RPS6KC1: variants seen among roughly 807,000 people sequenced by gnomAD.
RPS6KC1 encodes the protein inactive ribosomal protein S6 kinase delta-1.
A neutral mutation model predicts 103.8 loss-of-function variants in RPS6KC1; 54 were observed. That is an observed-to-expected ratio of 0.52 (90% CI 0.42 to 0.65). The LOEUF (loss-of-function observed/expected upper bound fraction) is 0.65. Ranked by LOEUF, RPS6KC1 falls within the 30% of genes least tolerant of loss-of-function variation. The probability of loss-of-function intolerance (pLI) is 0.00; values close to 1 mark genes in which losing one functional copy is unlikely to be tolerated. For missense variants in RPS6KC1, 1,151 were observed against 1,253.8 expected, an observed-to-expected ratio of 0.92 and a Z score of 1.24; for synonymous variants, 439 against 438.7, an observed-to-expected ratio of 1.00 and a Z score of -0.01.
the RPS6KC1 span, among the ~76,000 whole-genome samples, chr1:213,549,183 C>A: frequency 2.6e-5 from 4 of 152,252 alleles, no homozygotes; most frequent in Non-Finnish European, 5.9e-5. Context: ...TGCAGTGAAT[C>A]CAAAACTGAC....
intron 1 of RPS6KC1, among the ~76,000 whole-genome samples, chr1:213,057,541 T>C (rs1435450826): frequency 1.3e-5 from 2 of 152,108 alleles, no homozygotes; most frequent in South Asian, 2.1e-4. Context: ...ACTATACTTT[T>C]GTCTTTTTGA....
At chr1:213,493,892 C>T in the RPS6KC1 span, among the ~76,000 whole-genome samples, 1 of 150,650 alleles carries the variant, frequency 6.6e-6, no homozygotes, top group Non-Finnish European at 1.5e-5. Flanking sequence ...TTCAGAGTTT[C>T]AGAAAACTGG....
chr1:213,294,840 GCTT>G, the RPS6KC1 span, among the ~76,000 whole-genome samples: 7 of 152,168 alleles, frequency 4.6e-5, no homozygotes, highest in East Asian at 9.7e-4. Context: ...TTTCAAAAAC[GCTT>G]CTTCTCCTTC....
At chr1:213,853,451 C>G in the RPS6KC1 span, among the ~76,000 whole-genome samples, 1 of 152,198 alleles carries the variant, frequency 6.6e-6, no homozygotes, top group East Asian at 1.9e-4. Context: ...CTATCCAGAA[C>G]AATGTGATCT....
chr1:213,302,119 T>A, the RPS6KC1 span, among the ~76,000 whole-genome samples: 1 of 152,236 alleles, frequency 6.6e-6, no homozygotes, highest in Admixed American at 6.5e-5. Flanking sequence ...ATTCTACTTA[T>A]AGAGAAGCCT....
chr1:213,502,349 G>C, the RPS6KC1 span, among the ~76,000 whole-genome samples: 6 of 151,958 alleles, frequency 3.9e-5, no homozygotes, highest in African/African-American at 2.4e-5. Context: ...ATAAGACAAA[G>C]ATAATATCCT....
chr1:213,823,592 C>T, the RPS6KC1 span, among the ~76,000 whole-genome samples: 3 of 152,018 alleles, frequency 2.0e-5, no homozygotes, highest in African/African-American at 7.3e-5. Context: ...ATATGGTAAC[C>T]ACTACCTCCT....
the RPS6KC1 span, among the ~76,000 whole-genome samples, chr1:213,786,700 C>T: frequency 6.6e-6 from 1 of 152,074 alleles, no homozygotes; most frequent in Non-Finnish European, 1.5e-5. Context: ...ACAACTAGTC[C>T]CAGGCTTTGC....
chr1:213,579,806 C>T, the RPS6KC1 span, among the ~76,000 whole-genome samples: 2 of 152,110 alleles, frequency 1.3e-5, no homozygotes, highest in East Asian at 1.9e-4. Context: ...GATGACAGCA[C>T]ATCTATTTAT....
the RPS6KC1 span, among the ~76,000 whole-genome samples, chr1:213,690,398 G>C: frequency 6.6e-6 from 1 of 152,176 alleles, no homozygotes; most frequent in South Asian, 2.1e-4. Context: ...CAGAGAACCA[G>C]TGCTGCATAG....
At chr1:213,837,136 C>T in the RPS6KC1 span, among the ~76,000 whole-genome samples, 1 of 152,116 alleles carries the variant, frequency 6.6e-6, no homozygotes, top group Non-Finnish European at 1.5e-5. Context: ...GTTAGCTTTT[C>T]CCTTCCATCT....
At chr1:213,169,844 C>T (rs899130171) in intron 7 of RPS6KC1, among the ~76,000 whole-genome samples, 3 of 147,532 alleles carry the variant, frequency 2.0e-5, no homozygotes, top group Admixed American at 1.4e-4. Flanking sequence ...TGCAGTGGCG[C>T]GATCTCAGCT....
At chr1:213,310,737 CAAAT>C in the RPS6KC1 span, among the ~76,000 whole-genome samples, 7 of 152,190 alleles carry the variant, frequency 4.6e-5, no homozygotes, top group Non-Finnish European at 8.8e-5. Context: ...CTTGAATAAA[CAAAT>C]AAATAGCATG....
At chr1:213,766,824 CTTTT>C in the RPS6KC1 span, among the ~76,000 whole-genome samples, 842 of 152,204 alleles carry the variant, frequency 5.5e-3, 10 homozygotes, top group African/African-American at 0.019. Flanking sequence ...CCTTTGCTTT[CTTTT>C]TGTCAAAGAA....
chr1:213,134,170 AT>A (rs2085989729), intron 6 of RPS6KC1, among the ~76,000 whole-genome samples: 1 of 152,110 alleles, frequency 6.6e-6, no homozygotes, highest in South Asian at 2.1e-4. Context: ...AATATGACCC[AT>A]GATTTTGTAG....
the RPS6KC1 span, among the ~76,000 whole-genome samples, chr1:213,417,809 C>A: frequency 3.4e-3 from 511 of 152,294 alleles, 3 homozygotes; most frequent in African/African-American, 0.012. Flanking sequence ...ATAGAACACA[C>A]ACAGGTGAGT....
the RPS6KC1 span, among the ~76,000 whole-genome samples, chr1:213,364,846 T>C: frequency 6.6e-6 from 1 of 151,890 alleles, no homozygotes. Context: ...TTTTTCCAGA[T>C]ACTCGGGAGG....
chr1:213,504,057 G>T, the RPS6KC1 span, among the ~76,000 whole-genome samples: 2 of 152,044 alleles, frequency 1.3e-5, no homozygotes, highest in African/African-American at 4.8e-5. Flanking sequence ...TTATTAAATA[G>T]AATGAATTAG....
At chr1:213,195,184 C>T (rs2092898497) in intron 8 of RPS6KC1, among the ~76,000 whole-genome samples, 1 of 152,096 alleles carries the variant, frequency 6.6e-6, no homozygotes, top group Non-Finnish European at 1.5e-5. Flanking sequence ...AGTGAGCATC[C>T]TGGTGGAACA....
Sources: gnomAD v4.1 joint callset for allele counts (sites outside exome capture counted in the v4.1 genomes callset) on GRCh38, gnomAD v4.1.1 for gene constraint, MANE v1.5 for transcripts, NCBI Gene and HGNC (gene_info 2026-07-23, HGNC 2026-07-21) for gene names.